Variants in SGCZ observed in about 807,000 individuals in gnomAD.
The protein encoded by SGCZ is sarcoglycan zeta, also known as zeta-sarcoglycan.
In SGCZ, 40 loss-of-function variants were observed where a neutral mutation model predicts 41.3. That is an observed-to-expected ratio of 0.97 (90% CI 0.75 to 1.26). The LOEUF (loss-of-function observed/expected upper bound fraction) is 1.26, where lower values mean the gene tolerates loss of function less well. Among genes scored for constraint, SGCZ ranks in the 50% most tolerant of loss-of-function variants. SGCZ has a pLI of 0.00. For missense variants in SGCZ, 552 were observed against 369.8 expected (o/e 1.49, Z -4.04); for synonymous variants, 206 against 137.5 (o/e 1.50, Z -3.49).
intron 3 of SGCZ, among the ~76,000 whole-genome samples, chr8:14,275,446 G>A (rs1270784739): frequency 6.6e-6 from 1 of 152,048 alleles, no homozygotes. Flanking sequence ...CCCTTGGCTG[G>A]GGCCTGCTGA....
intron 6 of SGCZ, among the ~76,000 whole-genome samples, chr8:14,103,225 A>AGAGTTG (rs1802090422): frequency 6.6e-6 from 1 of 152,204 alleles, no homozygotes; most frequent in Non-Finnish European, 1.5e-5. Context: ...TTAGACAGTC[A>AGAGTTG]GAGTTGGGAG....
At chr8:14,357,998 C>G (rs1803356208) in intron 2 of SGCZ, among the ~76,000 whole-genome samples, 1 of 152,154 alleles carries the variant, frequency 6.6e-6, no homozygotes, top group South Asian at 2.1e-4. Context: ...TTTACTGTGA[C>G]CATATTAGCA....
intron 1 of SGCZ, among the ~76,000 whole-genome samples, chr8:15,080,018 G>C (rs530668661): frequency 6.6e-6 from 1 of 151,540 alleles, no homozygotes; most frequent in Admixed American, 6.6e-5. Context: ...TTCTCCAGCC[G>C]GTCCTCTATT....
chr8:15,230,215 C>T (rs1801900164), intron 1 of SGCZ, among the ~76,000 whole-genome samples: 1 of 149,864 alleles, frequency 6.7e-6, no homozygotes, highest in Non-Finnish European at 1.5e-5. Context: ...GTAATGTGAA[C>T]CACTACTTTG....
chr8:14,901,335 G>T (rs952633372), intron 1 of SGCZ, among the ~76,000 whole-genome samples: 2 of 152,132 alleles, frequency 1.3e-5, no homozygotes, highest in Non-Finnish European at 2.9e-5. Context: ...TTATGCATGG[G>T]AGTAGCTCCC....
chr8:14,837,558 A>C (rs1042622746), intron 1 of SGCZ, among the ~76,000 whole-genome samples: 1 of 152,162 alleles, frequency 6.6e-6, no homozygotes, highest in African/African-American at 2.4e-5. Context: ...ATGGAGGCAA[A>C]ACTGGTAAGT....
At chr8:14,327,240 T>A (rs913872025) in intron 2 of SGCZ, among the ~76,000 whole-genome samples, 21 of 152,204 alleles carry the variant, frequency 1.4e-4, no homozygotes, top group Non-Finnish European at 5.9e-5. Context: ...TCAGGCATGA[T>A]AAGACTTACA....
intron 1 of SGCZ, among the ~76,000 whole-genome samples, chr8:15,159,752 ACCCCCGC>A (rs199666819): frequency 0.54 from 14,483 of 27,050 alleles, 2,729 homozygotes; most frequent in East Asian, 0.7. Context: ...CCTCCCCCCC[ACCCCCGC>A]CACACACACA....
chr8:14,989,674 T>G (rs1480881866), intron 1 of SGCZ, among the ~76,000 whole-genome samples: 1 of 152,106 alleles, frequency 6.6e-6, no homozygotes, highest in Non-Finnish European at 1.5e-5. Flanking sequence ...AGTACAGAAA[T>G]AACCTAGTCA....
intron 4 of SGCZ, among the ~76,000 whole-genome samples, chr8:14,200,115 A>C (rs1414941693): frequency 6.6e-6 from 1 of 152,202 alleles, no homozygotes; most frequent in Non-Finnish European, 1.5e-5. Flanking sequence ...CCCTGTGGAT[A>C]ATGGGCACTA....
At chr8:15,224,781 T>C (rs1405802097) in intron 1 of SGCZ, among the ~76,000 whole-genome samples, 1 of 152,166 alleles carries the variant, frequency 6.6e-6, no homozygotes, top group African/African-American at 2.4e-5. Context: ...GATAATGCTA[T>C]AGTGATATTC....
chr8:15,217,364 T>C (rs9325748), intron 1 of SGCZ, among the ~76,000 whole-genome samples: 139,494 of 149,130 alleles, frequency 0.94, 65,418 homozygotes, highest in Non-Finnish European at 0.97. Context: ...TTGCAGTGAG[T>C]CGAGATTGCG....
chr8:14,300,667 T>C (rs1259573539), intron 3 of SGCZ, among the ~76,000 whole-genome samples: 2 of 151,982 alleles, frequency 1.3e-5, no homozygotes, highest in Non-Finnish European at 2.9e-5. Flanking sequence ...AGAATGGTGG[T>C]CGTATGAGAT....
chr8:15,211,671 AG>A (rs762777145), intron 1 of SGCZ, among the ~76,000 whole-genome samples: 126 of 152,276 alleles, frequency 8.3e-4, no homozygotes, highest in Non-Finnish European at 6.9e-4. Context: ...CTAGTTCTCT[AG>A]ATCCTATTAT....
At chr8:14,603,895 A>T (rs2117319867) in intron 1 of SGCZ, among the ~76,000 whole-genome samples, 1 of 152,232 alleles carries the variant, frequency 6.6e-6, no homozygotes, top group East Asian at 1.9e-4. Flanking sequence ...AATATGATGA[A>T]ATTATTTAGT....
At chr8:14,250,729 G>T (rs1799253650) in intron 3 of SGCZ, among the ~76,000 whole-genome samples, 1 of 152,116 alleles carries the variant, frequency 6.6e-6, no homozygotes, top group Admixed American at 6.5e-5. Flanking sequence ...GGCCTGACCT[G>T]ACAGAACAGC....
intron 1 of SGCZ, among the ~76,000 whole-genome samples, chr8:14,681,589 G>A (rs1255287348): frequency 3.9e-5 from 6 of 152,122 alleles, no homozygotes; most frequent in Admixed American, 1.3e-4. Context: ...GATGGTCTTC[G>A]AAATACCTCA....
intron 2 of SGCZ, among the ~76,000 whole-genome samples, chr8:14,502,453 T>G (rs892639788): frequency 1.3e-5 from 2 of 152,172 alleles, no homozygotes; most frequent in Non-Finnish European, 2.9e-5. Flanking sequence ...TGATACAGTT[T>G]ATTTCTCAGA....
At chr8:14,102,650 G>A in intron 6 of SGCZ, 151 bp from the exon 7 acceptor site, 1 of 701,116 alleles carries the variant, frequency 1.4e-6, no homozygotes. Flanking sequence ...ACCATTTTAG[G>A]CAAAGCCAGA....
Sources: gnomAD v4.1 joint callset for allele counts (sites outside exome capture counted in the v4.1 genomes callset) on GRCh38, gnomAD v4.1.1 for gene constraint, MANE v1.5 for transcripts, NCBI Gene and HGNC (gene_info 2026-07-23, HGNC 2026-07-21) for gene names.